Variants in KLHL29 observed in about 807,000 individuals in gnomAD.
KLHL29 encodes kelch-like protein 29.
KLHL29 carries 21 observed loss-of-function variants against 80.4 expected under a neutral mutation model. The ratio of observed to expected loss-of-function variants is 0.26; its 90% confidence interval spans 0.19 to 0.38. KLHL29 has a LOEUF of 0.38. Among genes scored for constraint, KLHL29 ranks in the 10% least tolerant of loss-of-function variants. KLHL29 has a pLI of 1.00. For synonymous variants in KLHL29, 511 were observed against 526.8 expected (o/e 0.97, Z 0.41); for missense variants, 867 against 1,223.9 (o/e 0.71, Z 4.35).
At chr2:23,528,072 TTTTA>T (rs1320125128) in intron 2 of KLHL29, among the ~76,000 whole-genome samples, 3 of 152,256 alleles carry the variant, frequency 2.0e-5, no homozygotes, top group Non-Finnish European at 4.4e-5. Context: ...AGCTGTTGTA[TTTTA>T]TTTTTCTGTA....
At chr2:23,628,798 A>G (rs1025335235) in intron 3 of KLHL29, among the ~76,000 whole-genome samples, 2 of 152,042 alleles carry the variant, frequency 1.3e-5, no homozygotes, top group East Asian at 1.9e-4. Flanking sequence ...CAGCTTCACT[A>G]CGGATTTCAA....
intron 1 of KLHL29, among the ~76,000 whole-genome samples, chr2:23,455,605 ATTTTTTTTT>A (rs397873479): frequency 1.9e-5 from 2 of 105,996 alleles, no homozygotes; most frequent in African/African-American, 7.3e-5. Context: ...TGGTCTCCTG[ATTTTTTTTT>A]TTTTTTTTTT....
intron 1 of KLHL29, among the ~76,000 whole-genome samples, chr2:23,405,462 G>A (rs200314139): frequency 1.3e-5 from 2 of 152,304 alleles, no homozygotes; most frequent in South Asian, 2.1e-4. Flanking sequence ...AGTTGAATAC[G>A]TTTAGTGTTT....
chr2:23,638,085 T>TAAAAAAAAAA (rs553356362), intron 3 of KLHL29, among the ~76,000 whole-genome samples: 52 of 111,522 alleles, frequency 4.7e-4, no homozygotes, highest in African/African-American at 8.5e-4. Context: ...ATGGCCATAG[T>TAAAAAAAAAA]AAAAAAAAAA....
At chr2:23,587,019 C>T (rs532720467) in intron 3 of KLHL29, among the ~76,000 whole-genome samples, 1 of 152,232 alleles carries the variant, frequency 6.6e-6, no homozygotes, top group East Asian at 1.9e-4. Context: ...CTCTTTGTCC[C>T]AGAGTTGTCA....
At chr2:23,572,404 T>C (rs570628769) in intron 3 of KLHL29, among the ~76,000 whole-genome samples, 1 of 152,342 alleles carries the variant, frequency 6.6e-6, no homozygotes, top group East Asian at 1.9e-4. Flanking sequence ...GTTCCTATAA[T>C]AATTTTTGCT....
intron 3 of KLHL29, among the ~76,000 whole-genome samples, chr2:23,591,659 G>A (rs773390695): frequency 6.6e-6 from 1 of 152,100 alleles, no homozygotes; most frequent in Non-Finnish European, 1.5e-5. Context: ...CAAGGTCCTC[G>A]CCCGGTCTCC....
chr2:23,508,659 C>G (rs1035400998), intron 2 of KLHL29, among the ~76,000 whole-genome samples: 1 of 152,208 alleles, frequency 6.6e-6, no homozygotes, highest in African/African-American at 2.4e-5. Context: ...GCGGGATCCC[C>G]GCATCTTGCA....
intron 1 of KLHL29, among the ~76,000 whole-genome samples, chr2:23,434,462 G>A (rs904300202): frequency 6.6e-5 from 10 of 151,510 alleles, no homozygotes; most frequent in Admixed American, 6.6e-4. Context: ...CCTCCCCTCA[G>A]GTTAGGGCAC....
intron 1 of KLHL29, among the ~76,000 whole-genome samples, chr2:23,474,026 G>GC (rs1304420773): frequency 8.6e-5 from 13 of 151,836 alleles, no homozygotes; most frequent in Non-Finnish European, 5.9e-5. Context: ...TGCACCACAG[G>GC]CCCCCCGACA....
At chr2:23,651,689 T>C (rs1471337828) in intron 5 of KLHL29, among the ~76,000 whole-genome samples, 2 of 152,110 alleles carry the variant, frequency 1.3e-5, no homozygotes, top group Admixed American at 6.5e-5. Flanking sequence ...ATGCCACAAA[T>C]TGGGTGGCTT....
intron 8 of KLHL29, among the ~76,000 whole-genome samples, chr2:23,694,675 G>A (rs1671837819): frequency 6.6e-6 from 1 of 152,112 alleles, no homozygotes. Flanking sequence ...ATAAACCCCA[G>A]ACAATTCTCC....
chr2:23,481,001 C>T (rs180825698), intron 2 of KLHL29, among the ~76,000 whole-genome samples: 7 of 152,336 alleles, frequency 4.6e-5, no homozygotes, highest in Admixed American at 3.9e-4. Flanking sequence ...CATGGACCCA[C>T]AAATCATGTT....
intron 1 of KLHL29, among the ~76,000 whole-genome samples, chr2:23,441,518 G>GA (rs148996291): frequency 2.4e-3 from 344 of 145,210 alleles, no homozygotes; most frequent in African/African-American, 7.7e-3. Flanking sequence ...AGAAATCAGA[G>GA]AAAAAAAAAA....
intron 2 of KLHL29, among the ~76,000 whole-genome samples, chr2:23,476,055 T>C (rs933728523): frequency 3.3e-5 from 5 of 152,134 alleles, no homozygotes; most frequent in African/African-American, 9.7e-5. Flanking sequence ...TCACGTGTGC[T>C]ATCACGACAT....
chr2:23,595,851 G>A (rs140689627), intron 3 of KLHL29, among the ~76,000 whole-genome samples: 147 of 152,322 alleles, frequency 9.7e-4, no homozygotes, highest in Admixed American at 3.7e-3. Flanking sequence ...TGCTAGGCCA[G>A]TGAATTGTGA....
intron 1 of KLHL29, among the ~76,000 whole-genome samples, chr2:23,393,159 C>A (rs955055494): frequency 1.4e-5 from 2 of 140,092 alleles, no homozygotes; most frequent in Non-Finnish European, 3.2e-5. Flanking sequence ...TGGTGCCTGG[C>A]ACAAAACTCT....
intron 3 of KLHL29, among the ~76,000 whole-genome samples, chr2:23,587,738 C>A (rs922579820): frequency 6.6e-6 from 1 of 152,216 alleles, no homozygotes; most frequent in African/African-American, 2.4e-5. Flanking sequence ...GGGAAGGAAG[C>A]ACCACTTCTC....
At chr2:23,386,343 C>T (rs936118028) in intron 1 of KLHL29, among the ~76,000 whole-genome samples, 1 of 152,180 alleles carries the variant, frequency 6.6e-6, no homozygotes, top group African/African-American at 2.4e-5. Flanking sequence ...TCTCTTTACT[C>T]AATCCCAAGT....
Sources: allele counts gnomAD v4.1 joint callset (sites outside exome capture counted in the v4.1 genomes callset), GRCh38; gene constraint gnomAD v4.1.1; transcripts MANE v1.5; gene names NCBI Gene and HGNC (gene_info 2026-07-23, HGNC 2026-07-21).